Variants in MAST2 observed in about 807,000 individuals in gnomAD.
MAST2 encodes microtubule associated serine/threonine kinase 2, also known as microtubule-associated serine/threonine-protein kinase 2.
A neutral mutation model predicts 147.4 loss-of-function variants in MAST2; 70 were observed. The ratio of observed to expected loss-of-function variants is 0.47; its 90% CI spans 0.39 to 0.58. The LOEUF (loss-of-function observed/expected upper bound fraction) is 0.58. Among genes scored for constraint, MAST2 ranks in the 20% least tolerant of loss-of-function variants. MAST2 has a pLI of 0.00. For synonymous variants in MAST2, 869 were observed against 896.8 expected (o/e 0.97, Z 0.55); for missense variants, 2,080 against 2,302.3 (o/e 0.90, Z 1.98).
At position 46,030,692 on chromosome 1, in the gene MAST2, A is replaced by G. The variant is rs1336144596; in HGVS notation, c.2639A>G (p.Glu880Gly). 3 of 1,608,018 alleles carry G rather than the reference A, an allele frequency of 1.9e-6. No individual in the cohort carries two copies. The highest frequency in any genetic ancestry group is 2.7e-5 in the African/African-American group (2 of 74,594). The change falls in exon 22 of 29, where the codon GAG becomes GGG. Residue 880 changes from glutamate (E) to glycine (G), a missense_variant. Glu to Gly is a moderately conservative substitution (Grantham distance 98, BLOSUM62 -2). Coordinates refer to ENST00000361297, the MANE Select transcript of MAST2 (RefSeq NM_015112.3). ...AAGCGCAGCCTGAGTGAGGAGAAGG[A>G]GGACCATTCAGATGGCCTGGCAGGG... ...PTKRSLSEEKEDHSDGLAGLK... is the reference protein window; with the variant it reads ...PTKRSLSEEKGDHSDGLAGLK...
intron 4 of MAST2, among the ~76,000 whole-genome samples, chr1:45,946,477 C>T (rs1658043322): frequency 6.6e-6 from 1 of 152,128 alleles, no homozygotes; most frequent in Non-Finnish European, 1.5e-5. Flanking sequence ...CCCTTGATTC[C>T]TTCCAAGTGT....
chr1:45,970,790 T>C (rs1255543711), intron 5 of MAST2, among the ~76,000 whole-genome samples: 2 of 144,810 alleles, frequency 1.4e-5, no homozygotes, highest in African/African-American at 5.1e-5. Context: ...GCTGACAGAC[T>C]AAGAAGTGTT....
At chr1:45,948,020 A>C (rs1421879758) in intron 4 of MAST2, among the ~76,000 whole-genome samples, 1 of 152,036 alleles carries the variant, frequency 6.6e-6, no homozygotes, top group Non-Finnish European at 1.5e-5. Context: ...CTGGCCCCAA[A>C]AGCTTCTTAA....
chr1:45,836,300 G>A (rs950775534), intron 3 of MAST2, among the ~76,000 whole-genome samples: 3 of 151,948 alleles, frequency 2.0e-5, no homozygotes, highest in Non-Finnish European at 4.4e-5. Context: ...GGTGTCAAGT[G>A]GTGTCTTATT....
At chr1:45,952,050 A>G (rs1304243334) in intron 4 of MAST2, among the ~76,000 whole-genome samples, 2 of 152,252 alleles carry the variant, frequency 1.3e-5, no homozygotes, top group Admixed American at 1.3e-4. Flanking sequence ...AGAATTCACT[A>G]AAGTAAAAGA....
intron 1 of MAST2, among the ~76,000 whole-genome samples, chr1:45,805,650 CCCT>C (rs1644120886): frequency 6.6e-6 from 1 of 151,996 alleles, no homozygotes; most frequent in African/African-American, 2.4e-5. Flanking sequence ...CTTGATTTTT[CCCT>C]CCTCTTTATT....
chr1:45,898,541 C>T (rs1649163976), intron 4 of MAST2, among the ~76,000 whole-genome samples: 1 of 152,008 alleles, frequency 6.6e-6, no homozygotes, highest in Non-Finnish European at 1.5e-5. Context: ...TGTTTTTACT[C>T]TGAGAATTTT....
intron 4 of MAST2, among the ~76,000 whole-genome samples, chr1:45,944,094 G>A (rs1282828478): frequency 6.6e-6 from 1 of 152,060 alleles, no homozygotes; most frequent in East Asian, 1.9e-4. Context: ...CTTTTCTAGC[G>A]ACAGTCTTCT....
At chr1:45,975,082 A>G (rs1557989886) in intron 5 of MAST2, among the ~76,000 whole-genome samples, 1 of 152,162 alleles carries the variant, frequency 6.6e-6, no homozygotes, top group East Asian at 1.9e-4. Context: ...CTCTAGGTCT[A>G]GTGGTACAAA....
chr1:45,895,619 A>G (rs1159140395), intron 4 of MAST2, among the ~76,000 whole-genome samples: 1 of 152,242 alleles, frequency 6.6e-6, no homozygotes, highest in African/African-American at 2.4e-5. Context: ...TTCTTTGGAC[A>G]TTTGGTGGAA....
At position 46,023,649 on chromosome 1, in the gene MAST2, T is replaced by C. The variant is rs532663175; in HGVS notation, c.1572-123T>C. The C allele has an allele frequency of 1.2e-6, 1 of 842,688 alleles. No homozygotes were observed. The highest frequency in any genetic ancestry group is 2.7e-5 in the East Asian group (1 of 37,596). The allele number at this position is 842,688 out of a possible 1,614,324, so 52.2% of individuals were successfully genotyped here. Reference sequence around the variant, plus strand: ...GGGTCCCAGACCCTTCTCACTGATATGCATGCCCTTGCCCCCTTGTTCTGT... The same window carrying C: ...GGGTCCCAGACCCTTCTCACTGATACGCATGCCCTTGCCCCCTTGTTCTGT... On this transcript the variant is annotated intron_variant, in intron 14 of 28. Transcript: ENST00000361297. This position sits in a 1 kb window ranked among gnomAD's most constrained non-coding sequence, Gnocchi z 4.9.
chr1:45,973,941 A>T (rs571929960), intron 5 of MAST2, among the ~76,000 whole-genome samples: 1 of 152,388 alleles, frequency 6.6e-6, no homozygotes, highest in African/African-American at 2.4e-5. Context: ...GGGAAAAAGA[A>T]AATGGAGATA....
intron 1 of MAST2, among the ~76,000 whole-genome samples, chr1:45,821,626 A>C (rs1382658104): frequency 6.7e-6 from 1 of 148,480 alleles, no homozygotes; most frequent in African/African-American, 2.5e-5. Context: ...TTCAAGTCAT[A>C]ACTGTGCCTC....
At chr1:45,835,332 T>G (rs370586861) in intron 3 of MAST2, among the ~76,000 whole-genome samples, 2 of 152,240 alleles carry the variant, frequency 1.3e-5, no homozygotes, top group South Asian at 4.1e-4. Flanking sequence ...GGGAGAGCCA[T>G]GATCAAGGAG....
chr1:45,986,405 C>T (rs1388330870), intron 5 of MAST2, among the ~76,000 whole-genome samples: 2 of 152,112 alleles, frequency 1.3e-5, no homozygotes, highest in Non-Finnish European at 2.9e-5. Context: ...TTTGCTCCCA[C>T]CTCCCATTAT....
chr1:45,913,589 T>C, intron 4 of MAST2: 1 of 992,466 alleles, frequency 1.0e-6, no homozygotes, highest in Non-Finnish European at 1.2e-6. Context: ...GGACAGCTGA[T>C]TCATTTGGGA....
chr1:45,930,518 C>G lies in MAST2; in HGVS notation c.501-28868C>G, dbSNP rs1268219818. The stretch of plus-strand genomic sequence containing the variant: ...ATTCATTCATACATTCAACTGCATA[C>G]TAGGCCCTCTGAGCAGGAGAAGATG... On this transcript the variant is annotated intron_variant, in intron 4 of 28. Coordinates refer to ENST00000361297, the MANE Select transcript of MAST2 (RefSeq NM_015112.3). Among the ~76,000 whole-genome samples, 4 of 152,048 alleles carry G rather than the reference C, an allele frequency of 2.6e-5. No individual in the cohort carries two copies. The South Asian group carries it at 8.3e-4, about 31-fold the overall frequency.
Position 46,035,403 on chromosome 1 carries a change from TC to T in MAST2, c.4738del (p.His1580ThrfsTer23). ...CTCCCAGAATGGAAAGTCCCAGTGG[TC>T]CCCACAGGAGGCTCGGGAGCCCACA... ...GPPRMESPSG[P>X]HRRLGSPQAI... On this transcript the variant is annotated frameshift_variant, in exon 29 of 29. Coordinates refer to ENST00000361297, the MANE Select transcript of MAST2 (RefSeq NM_015112.3). LOFTEE classifies it low-confidence loss of function (END_TRUNC). This position sits in a 1 kb window ranked among gnomAD's most constrained non-coding sequence, Gnocchi z 5.5. The T allele has an allele frequency of 6.2e-7, 1 of 1,612,380 alleles. No individual in the cohort carries two copies. The highest frequency in any genetic ancestry group is 8.5e-7 in the Non-Finnish European group (1 of 1,179,468).
intron 18 of MAST2, 65 bp from the exon 19 acceptor site, chr1:46,029,401 C>A: frequency 2.9e-6 from 4 of 1,361,136 alleles, no homozygotes; most frequent in Non-Finnish European, 4.1e-6. Flanking sequence ...GTTCTGGGAC[C>A]CTCTTCTGCA....
Sources: gnomAD v4.1 joint callset for allele counts (sites outside exome capture counted in the v4.1 genomes callset) on GRCh38, gnomAD v4.1.1 for gene constraint, Gnocchi (gnomAD v3.1) non-coding constraint, MANE v1.5 for transcripts, NCBI Gene and HGNC (gene_info 2026-07-23, HGNC 2026-07-21) for gene names.